The following CSMD1 variants were observed in gnomAD, a reference collection of about 807,000 sequenced individuals.
The protein encoded by CSMD1 is CUB and sushi domain-containing protein 1.
A neutral mutation model predicts 417.5 loss-of-function variants in CSMD1; 213 were observed. The observed-to-expected ratio is 0.51, with a 90% CI of 0.46 to 0.57. CSMD1 has a LOEUF of 0.57. CSMD1 is among the 20% of genes least tolerant of loss of function. The pLI is 0.00. For synonymous variants in CSMD1, 2,862 were observed against 1,736.8 expected, an observed-to-expected ratio of 1.65 and a Z score of -16.11; for missense variants, 6,923 against 4,529.7, an observed-to-expected ratio of 1.53 and a Z score of -15.17.
At chr8:3,673,215 T>C (rs28415893) in intron 7 of CSMD1, among the ~76,000 whole-genome samples, 2,255 of 152,318 alleles carry the variant, frequency 0.015, 24 homozygotes, top group Non-Finnish European at 0.023. Context: ...CCCCTGTGCA[T>C]GAACCACAAT....
At chr8:2,972,673 G>A (rs1456307419) in intron 57 of CSMD1, among the ~76,000 whole-genome samples, 3 of 152,196 alleles carry the variant, frequency 2.0e-5, no homozygotes, top group East Asian at 1.9e-4. Flanking sequence ...CCAGATTCCT[G>A]TGAAATAGAG....
chr8:4,803,919 G>A (rs1046119977), intron 1 of CSMD1, among the ~76,000 whole-genome samples: 2 of 152,164 alleles, frequency 1.3e-5, no homozygotes, highest in Non-Finnish European at 2.9e-5. Context: ...AGCCCACAGA[G>A]CCTCCATAAA....
intron 2 of CSMD1, among the ~76,000 whole-genome samples, chr8:4,575,153 A>G (rs1799079350): frequency 6.6e-6 from 1 of 152,230 alleles, no homozygotes; most frequent in Non-Finnish European, 1.5e-5. Flanking sequence ...TGCAGTCTCT[A>G]TAGCACTGTG....
chr8:3,083,657 T>TA (rs1814306837), intron 49 of CSMD1, among the ~76,000 whole-genome samples: 2 of 63,596 alleles, frequency 3.1e-5, no homozygotes, highest in Admixed American at 3.5e-4. Flanking sequence ...TATTTTTTTT[T>TA]TTTTTTTTTT....
chr8:3,637,549 C>A (rs971150122), intron 7 of CSMD1, among the ~76,000 whole-genome samples: 2 of 152,012 alleles, frequency 1.3e-5, no homozygotes. Context: ...AAATAGTTTG[C>A]TTTTTTCCTA....
At chr8:4,351,225 T>C (rs1316897080) in intron 3 of CSMD1, among the ~76,000 whole-genome samples, 1 of 152,114 alleles carries the variant, frequency 6.6e-6, no homozygotes, top group Non-Finnish European at 1.5e-5. Context: ...TTTCACCTGA[T>C]ACCTAAAGCT....
intron 25 of CSMD1, among the ~76,000 whole-genome samples, chr8:3,300,100 A>G (rs1804271582): frequency 6.6e-6 from 1 of 152,210 alleles, no homozygotes; most frequent in Non-Finnish European, 1.5e-5. Flanking sequence ...AAATTAAGGC[A>G]CATTCAGGCA....
chr8:4,166,915 G>T (rs750717872), intron 3 of CSMD1, among the ~76,000 whole-genome samples: 2 of 152,188 alleles, frequency 1.3e-5, no homozygotes, highest in Non-Finnish European at 2.9e-5. Context: ...CATTTTGAAT[G>T]CTCAGCAGCC....
At chr8:4,731,365 G>C (rs887386264) in intron 1 of CSMD1, among the ~76,000 whole-genome samples, 4 of 152,108 alleles carry the variant, frequency 2.6e-5, no homozygotes, top group Non-Finnish European at 5.9e-5. Flanking sequence ...ACTGGAGCAA[G>C]CTGCATGTGA....
intron 10 of CSMD1, among the ~76,000 whole-genome samples, chr8:3,499,850 GTTC>G (rs1276445496): frequency 1.3e-5 from 2 of 152,104 alleles, no homozygotes; most frequent in Non-Finnish European, 2.9e-5. Flanking sequence ...TACTCTGATA[GTTC>G]TTCTGTCCTG....
At chr8:3,047,892 A>T (rs1811563799) in intron 50 of CSMD1, among the ~76,000 whole-genome samples, 1 of 152,228 alleles carries the variant, frequency 6.6e-6, no homozygotes, top group African/African-American at 2.4e-5. Flanking sequence ...GGACATAAAA[A>T]GTAGTTTCTG....
At chr8:4,083,856 T>G (rs1213843938) in intron 3 of CSMD1, among the ~76,000 whole-genome samples, 4 of 152,094 alleles carry the variant, frequency 2.6e-5, no homozygotes, top group Non-Finnish European at 5.9e-5. Context: ...CTAATTAAAC[T>G]AAAGAGCTTC....
intron 5 of CSMD1, among the ~76,000 whole-genome samples, chr8:3,775,504 C>A (rs1798846717): frequency 6.6e-6 from 1 of 152,148 alleles, no homozygotes; most frequent in African/African-American, 2.4e-5. Flanking sequence ...TTATGAATAA[C>A]ATTTCCAATA....
rs1799243076 is a variant in CSMD1 at position 4,194,932 on chromosome 8, G to C, written c.416-162833C>G. Among the ~76,000 whole-genome samples the C allele has an allele frequency of 2.0e-5, 3 of 152,070 alleles. No homozygotes were observed. The South Asian group carries it at 6.2e-4, about 32-fold the overall frequency. Reference sequence around the variant, plus strand: ...TTTAATGGGAGATCACAGTAGAAGAGGTGATTAGTCCCCGGGTGAAAATGA... The same window carrying C: ...TTTAATGGGAGATCACAGTAGAAGACGTGATTAGTCCCCGGGTGAAAATGA... On this transcript the variant is annotated intron_variant, in intron 3 of 69. Coordinates refer to ENST00000635120, the MANE Select transcript of CSMD1 (RefSeq NM_033225.6).
At chr8:3,840,669 C>G (rs1351815999) in intron 5 of CSMD1, among the ~76,000 whole-genome samples, 1 of 150,750 alleles carries the variant, frequency 6.6e-6, no homozygotes, top group Non-Finnish European at 1.5e-5. Context: ...GGTCACTATA[C>G]AGTGACCTCA....
intron 4 of CSMD1, among the ~76,000 whole-genome samples, chr8:4,023,490 C>G (rs184075085): frequency 6.6e-6 from 1 of 151,908 alleles, no homozygotes; most frequent in Non-Finnish European, 1.5e-5. Context: ...GTTGGAATCA[C>G]AGAAGAGGAA....
chr8:3,988,538 G>A (rs1814505557), intron 5 of CSMD1, among the ~76,000 whole-genome samples: 3 of 152,114 alleles, frequency 2.0e-5, no homozygotes, highest in Admixed American at 2.0e-4. Context: ...AGAATCTCTG[G>A]ACTCACTCCA....
chr8:3,280,556 T>G (rs749319204), intron 26 of CSMD1, among the ~76,000 whole-genome samples: 3 of 152,176 alleles, frequency 2.0e-5, no homozygotes, highest in Non-Finnish European at 2.9e-5. Context: ...TTCTGAAAAT[T>G]TATACCAGAA....
At chr8:4,440,385 C>T (rs757484914) in intron 2 of CSMD1, among the ~76,000 whole-genome samples, 1 of 152,132 alleles carries the variant, frequency 6.6e-6, no homozygotes, top group African/African-American at 2.4e-5. Flanking sequence ...AATAAGGAGT[C>T]AGAGGATTGC....
Sources: gnomAD v4.1 joint callset for allele counts (sites outside exome capture counted in the v4.1 genomes callset) on GRCh38, gnomAD v4.1.1 for gene constraint, MANE v1.5 for transcripts, NCBI Gene and HGNC (gene_info 2026-07-23, HGNC 2026-07-21) for gene names.